Variants in SLC38A1 observed in about 807,000 individuals in gnomAD.
SLC38A1 encodes sodium-coupled neutral amino acid symporter 1.
In SLC38A1, 18 loss-of-function variants were observed where a neutral mutation model predicts 60.3. The ratio of observed to expected loss-of-function variants is 0.30; its 90% confidence interval spans 0.21 to 0.44. The LOEUF (loss-of-function observed/expected upper bound fraction) is 0.44. SLC38A1 is among the 20% of genes least tolerant of loss of function. The pLI, the probability that SLC38A1 is intolerant of heterozygous loss-of-function variation, is 1.00. For synonymous variants in SLC38A1, 196 were observed against 212.1 expected (o/e 0.92, Z 0.66); for missense variants, 448 against 587.2 (o/e 0.76, Z 2.45).
chr12:46,222,170 C>T (rs912556093), intron 5 of SLC38A1, among the ~76,000 whole-genome samples: 1 of 152,040 alleles, frequency 6.6e-6, no homozygotes, highest in African/African-American at 2.4e-5. Flanking sequence ...AAGTTTTTAG[C>T]AGGTAAGAGG....
rs149826080 is a variant in SLC38A1 at position 46,216,792 on chromosome 12, G to T, written c.315-7665C>A. Reference sequence around the variant, plus strand: ...GGAGAATTGCTTGAACCCGGGAGGCGGAGGTTGCAGTGAGCTGAGATCATG... The same window carrying T: ...GGAGAATTGCTTGAACCCGGGAGGCTGAGGTTGCAGTGAGCTGAGATCATG... On this transcript the variant is annotated intron_variant, in intron 5 of 16. Transcript: ENST00000398637. Among the ~76,000 whole-genome samples, 227 of 152,166 alleles carry T rather than the reference G, an allele frequency of 1.5e-3. 7 individuals carry two copies. In the East Asian group the frequency reaches 0.039, roughly 26 times the overall value.
rs371106817 is a variant in SLC38A1 at position 46,219,883 on chromosome 12, G to T, written c.314+9270C>A. Among the ~76,000 whole-genome samples, 39 of 152,354 alleles carry T rather than the reference G, an allele frequency of 2.6e-4. No individual in the cohort carries two copies. The South Asian group carries it at 7.9e-3, about 31-fold the overall frequency. On this transcript the variant is annotated intron_variant, in intron 5 of 16. Transcript: ENST00000398637. ...ACTGCTGTCCTTGGATAGGACCAAG[G>T]CACCTGAGGCAACTCAGCATAAATA...
Position 46,239,256 on chromosome 12 carries a change from T to C in SLC38A1, c.122+423A>G, listed in dbSNP as rs73103124. On this transcript the variant is annotated intron_variant, in intron 3 of 16. Coordinates refer to ENST00000398637, the MANE Select transcript of SLC38A1 (RefSeq NM_030674.4). ...TTATATCTTCAAATGGAACATAACT[T>C]TAGTAATGAATAATTCAACAGAATA... 1.7e-3 allele frequency: 257 copies of C among 153,928 alleles called. 2 individuals are homozygous for C. The highest frequency in any genetic ancestry group is 4.0e-3 in the South Asian group (20 of 4,980). The allele number at this position is 153,928 out of a possible 1,614,324, so 9.5% of individuals were successfully genotyped here. A position where few individuals can be genotyped will look rare whatever the true frequency, so the allele number is the denominator to read the frequency against.
rs143155377 is a variant in SLC38A1, at chr12:46,226,304, G to GA, written c.314+2848dup. Among the ~76,000 whole-genome samples, 7 of 150,820 alleles carry GA rather than the reference G, an allele frequency of 4.6e-5. No homozygotes were observed. The South Asian group carries it at 6.3e-4, about 14-fold the overall frequency. ...CATGTTTTAAATTTTTCATAATGCA[G>GA]AAAAAAAACTATCATTAGAATCCTC... On this transcript the variant is annotated intron_variant, in intron 5 of 16. Coordinates refer to ENST00000398637, the MANE Select transcript of SLC38A1 (RefSeq NM_030674.4).
intron 1 of SLC38A1, among the ~76,000 whole-genome samples, chr12:46,257,678 A>T (rs1160074934): frequency 6.6e-6 from 1 of 152,042 alleles, no homozygotes; most frequent in African/African-American, 2.4e-5. Context: ...GTGGCCAGAA[A>T]GATGTCACAG....
intron 3 of SLC38A1, among the ~76,000 whole-genome samples, chr12:46,230,892 A>G (rs1412426060): frequency 6.6e-6 from 1 of 152,210 alleles, no homozygotes; most frequent in Non-Finnish European, 1.5e-5. Flanking sequence ...CAGTATGAAG[A>G]TTCCTCAAAG....
intron 1 of SLC38A1, among the ~76,000 whole-genome samples, chr12:46,264,304 G>A (rs1377190386): frequency 6.6e-6 from 1 of 152,154 alleles, no homozygotes; most frequent in Non-Finnish European, 1.5e-5. Context: ...ATTAGCATTG[G>A]ACAGATGAGA....
intron 1 of SLC38A1, among the ~76,000 whole-genome samples, chr12:46,252,495 A>G (rs1204889332): frequency 6.6e-6 from 1 of 151,978 alleles, no homozygotes; most frequent in African/African-American, 2.4e-5. Flanking sequence ...ATACCCTAGA[A>G]GTATAATAAA....
At position 46,186,796 on chromosome 12, in the gene SLC38A1, T is replaced by C. The variant is rs905690410; in HGVS notation, c.*2174A>G. On this transcript the variant is annotated 3_prime_UTR_variant, in exon 17 of 17. Transcript: ENST00000398637. ...TCCCAGTTAATGATAAGGTTCTAAA[T>C]TGACTTTGTGAGGGTAAAATGAATT... 1 of 152,200 alleles carries C rather than the reference T, an allele frequency of 6.6e-6. No individual in the cohort carries two copies. The highest frequency in any genetic ancestry group is 1.5e-5 in the Non-Finnish European group (1 of 68,032). 9.4% of individuals were successfully genotyped at this position (152,200 alleles called of 1,614,324 possible).
At chr12:46,236,719 T>C (rs991026753) in intron 3 of SLC38A1, among the ~76,000 whole-genome samples, 2 of 152,120 alleles carry the variant, frequency 1.3e-5, no homozygotes, top group African/African-American at 4.8e-5. Flanking sequence ...TCACAAGAAG[T>C]TCACATTTAG....
intron 5 of SLC38A1, among the ~76,000 whole-genome samples, chr12:46,212,069 C>A (rs1476485091): frequency 1.3e-5 from 2 of 152,150 alleles, no homozygotes; most frequent in Non-Finnish European, 2.9e-5. Context: ...CTAATTGACT[C>A]TAATAGAACC....
In SLC38A1 at chr12:46,188,891, A is replaced by G; in HGVS notation, c.*79T>C. 4 of 1,208,218 alleles carry G rather than the reference A, an allele frequency of 3.3e-6. No homozygotes were observed. Among genetic ancestry groups the G allele is most frequent in the Non-Finnish European group, 4.8e-6 (4 of 828,238 alleles). 74.8% of individuals were successfully genotyped at this position (1,208,218 alleles called of 1,614,324 possible). On this transcript the variant is annotated 3_prime_UTR_variant, in exon 17 of 17. Coordinates refer to ENST00000398637, the MANE Select transcript of SLC38A1 (RefSeq NM_030674.4). ...TTCTGTTTGCTTCTGTAAACTTGCA[A>G]AAGAAGTGGTGAGAGATTGCTGATG...
chr12:46,221,716 A>C (rs1940666282), intron 5 of SLC38A1, among the ~76,000 whole-genome samples: 1 of 152,218 alleles, frequency 6.6e-6, no homozygotes, highest in South Asian at 2.1e-4. Context: ...TCAACAAGGA[A>C]GAATTTGGCA....
chr12:46,199,106 C>T (rs1362146343), intron 13 of SLC38A1, among the ~76,000 whole-genome samples: 1 of 152,008 alleles, frequency 6.6e-6, no homozygotes, highest in African/African-American at 2.4e-5. Flanking sequence ...CACCAAACTG[C>T]CACAGGCTTG....
chr12:46,197,231 T>C (rs922531436), intron 16 of SLC38A1: 8 of 154,994 alleles, frequency 5.2e-5, no homozygotes, highest in African/African-American at 1.9e-4. Flanking sequence ...GGCTCATGCC[T>C]GTAATCCCAG....
chr12:46,221,125 T>C (rs1460236612), intron 5 of SLC38A1, among the ~76,000 whole-genome samples: 2 of 152,118 alleles, frequency 1.3e-5, no homozygotes, highest in Admixed American at 6.5e-5. Flanking sequence ...ACATGGATCA[T>C]AGACAATACA....
chr12:46,266,900 GT>G (rs1405561505), intron 1 of SLC38A1, among the ~76,000 whole-genome samples: 1 of 152,122 alleles, frequency 6.6e-6, no homozygotes, highest in Admixed American at 6.5e-5. Context: ...TGAGGCTGGG[GT>G]CGAACCAAAA....
intron 3 of SLC38A1, chr12:46,239,470 A>G: frequency 2.4e-6 from 1 of 414,892 alleles, no homozygotes; most frequent in East Asian, 5.0e-5. Flanking sequence ...GACTACAGGC[A>G]TGCACCACAT....
chr12:46,194,049 C>T (rs1014869924), intron 16 of SLC38A1, among the ~76,000 whole-genome samples: 1 of 152,154 alleles, frequency 6.6e-6, no homozygotes, highest in Non-Finnish European at 1.5e-5. Context: ...TACCATTTGG[C>T]ATGTTTTTGC....
Sources: allele counts gnomAD v4.1 joint callset (sites outside exome capture counted in the v4.1 genomes callset), GRCh38; gene constraint gnomAD v4.1.1; transcripts MANE v1.5; gene names NCBI Gene and HGNC (gene_info 2026-07-23, HGNC 2026-07-21).